Variants in SAXO1 observed in about 807,000 individuals in gnomAD.
SAXO1 encodes the protein stabilizer of axonemal microtubules 1.
SAXO1 carries 21 observed loss-of-function variants against 17.5 expected under a neutral mutation model. That is an observed-to-expected ratio of 1.20 (90% CI 0.85 to 1.72). The LOEUF (loss-of-function observed/expected upper bound fraction) is 1.72. SAXO1 is among the 40% of genes most tolerant of loss of function. SAXO1 has a pLI of 0.00. For missense variants in SAXO1, 843 were observed against 596.0 expected (o/e 1.41, Z -4.32); for synonymous variants, 274 against 216.5 (o/e 1.27, Z -2.33).
In SAXO1 at chr9:18,964,489, G is replaced by A. The variant is rs374829439; in HGVS notation, c.39-13552C>T. Among the ~76,000 whole-genome samples the A allele has an allele frequency of 3.5e-4, 53 of 152,240 alleles. 1 individual carries two copies. In the South Asian group the frequency reaches 0.01, roughly 29 times the overall value. On this transcript the variant is annotated intron_variant, in intron 1 of 3. Transcript: ENST00000380534. Reference sequence around the variant, plus strand: ...TATTCAGGGACTCAAATTCTTCCTGGTTTAGTCTTAGGAGAATGTATGTTT... The same window carrying A: ...TATTCAGGGACTCAAATTCTTCCTGATTTAGTCTTAGGAGAATGTATGTTT...
chr9:18,937,093 T>C (rs1229851912), intron 3 of SAXO1, among the ~76,000 whole-genome samples: 1 of 152,170 alleles, frequency 6.6e-6, no homozygotes, highest in Non-Finnish European at 1.5e-5. Flanking sequence ...TGAAGGTTGT[T>C]ATGGAAAAGA....
intron 1 of SAXO1, among the ~76,000 whole-genome samples, chr9:19,014,748 C>T (rs193059829): frequency 4.8e-4 from 73 of 152,248 alleles, no homozygotes; most frequent in African/African-American, 1.4e-3. Context: ...TATTACCTAC[C>T]TGTTGTCTCC....
chr9:18,994,725 C>T (rs1027352185), intron 1 of SAXO1, among the ~76,000 whole-genome samples: 1 of 152,162 alleles, frequency 6.6e-6, no homozygotes, highest in Non-Finnish European at 1.5e-5. Context: ...GGAAGGGCTG[C>T]CCCCAAAGTC....
chr9:18,937,260 G>A (rs1434442836), intron 3 of SAXO1, among the ~76,000 whole-genome samples: 1 of 152,176 alleles, frequency 6.6e-6, no homozygotes, highest in Non-Finnish European at 1.5e-5. Flanking sequence ...CCTCACTTCT[G>A]CTCCTGGCCA....
rs923477354 is a variant in SAXO1 at position 18,928,647 on chromosome 9, T to A, written c.830A>T (p.Lys277Met). 1.2e-6 allele frequency: 2 copies of A among 1,614,024 alleles called. No homozygotes were observed. Among genetic ancestry groups the A allele is most frequent in the Non-Finnish European group, 1.7e-6 (2 of 1,180,044 alleles). ...CCGGGGCATTGGCCAAGCTTGGTAC[T>A]TATCTCGAAACTCAGTGGTGTTACA... ...PFCNTTEFRDKYQAWPMPRMF... is the reference protein window; with the variant it reads ...PFCNTTEFRDMYQAWPMPRMF... The change falls in exon 4 of 4, where the codon AAG (lysine) becomes ATG (methionine). Residue 277 changes from lysine to methionine, a missense_variant. Transcript: ENST00000380534.
intron 1 of SAXO1, among the ~76,000 whole-genome samples, chr9:19,013,537 C>A (rs1189510127): frequency 1.6e-5 from 2 of 128,040 alleles, no homozygotes; most frequent in African/African-American, 6.0e-5. Context: ...ACTAAAAGTA[C>A]GGATTTTTTT....
In SAXO1 at chr9:18,938,589, C is replaced by G. The variant is rs1045344227; in HGVS notation, c.421+3048G>C. ...CATTATACAATCACCTCTCACCAGG[C>G]CCCACCTCCAACACTGAGGATTACA... On this transcript the variant is annotated intron_variant, in intron 3 of 3. Transcript: ENST00000380534. Among the ~76,000 whole-genome samples, 6 of 152,164 alleles carry G rather than the reference C, an allele frequency of 3.9e-5. No homozygotes were observed. In the South Asian group the frequency reaches 6.2e-4, roughly 16 times the overall value.
At chr9:18,990,978 C>G (rs377216964) in intron 1 of SAXO1, among the ~76,000 whole-genome samples, 1 of 152,084 alleles carries the variant, frequency 6.6e-6, no homozygotes. Context: ...GTGCACAAGG[C>G]GGGGCATGGT....
chr9:19,003,846 T>C (rs1272803909), intron 1 of SAXO1, among the ~76,000 whole-genome samples: 1 of 152,166 alleles, frequency 6.6e-6, no homozygotes, highest in Non-Finnish European at 1.5e-5. Flanking sequence ...AAAGACTTCA[T>C]GACTAAAACA....
rs1294728164 is a variant in SAXO1, at chr9:18,989,647, CT to C, written c.39-38711del. Among the ~76,000 whole-genome samples the C allele has an allele frequency of 3.3e-5, 5 of 152,070 alleles. No homozygotes were observed. In the South Asian group the frequency reaches 6.2e-4, roughly 19 times the overall value. On this transcript the variant is annotated intron_variant, in intron 1 of 3. Coordinates refer to ENST00000380534, the MANE Select transcript of SAXO1 (RefSeq NM_153707.4). ...CAGGCTTTTAAAAAAAAATAAACAA[CT>C]CATAAGTTATATAATCACTAAAAGA...
chr9:19,023,797 G>GCA (rs35817827), intron 1 of SAXO1, among the ~76,000 whole-genome samples: 128,474 of 151,558 alleles, frequency 0.85, 54,811 homozygotes, highest in African/African-American at 0.93. Context: ...GGAAGGGAGG[G>GCA]AGGAAAGCAA....
chr9:18,993,177 C>T (rs951125527), intron 1 of SAXO1, among the ~76,000 whole-genome samples: 2 of 151,660 alleles, frequency 1.3e-5, no homozygotes, highest in Non-Finnish European at 2.9e-5. Flanking sequence ...TAGGTATACA[C>T]GTGTCATGGT....
At position 18,983,905 on chromosome 9, in the gene SAXO1, A is replaced by C. The variant is rs1833493120; in HGVS notation, c.39-32968T>G. On this transcript the variant is annotated intron_variant, in intron 1 of 3. Transcript: ENST00000380534. ...AAAGGACATGCTGACTCTTGTTAGG[A>C]GTTAACCACATTCTATGGCAGCTAC... is the stretch of plus-strand genomic sequence containing the variant. Among the ~76,000 whole-genome samples, 3 of 152,226 alleles carry C rather than the reference A, an allele frequency of 2.0e-5. No individual in the cohort carries two copies. In the South Asian group the frequency reaches 6.2e-4, roughly 31 times the overall value.
At chr9:19,047,233 G>A (rs991487357) in intron 1 of SAXO1, among the ~76,000 whole-genome samples, 2 of 151,688 alleles carry the variant, frequency 1.3e-5, no homozygotes, top group Admixed American at 6.6e-5. Context: ...GCATGGTGGT[G>A]GAGGCCTGTA....
At position 18,956,523 on chromosome 9, in the gene SAXO1, T is replaced by C. The variant is rs1832265317; in HGVS notation, c.39-5586A>G. Among the ~76,000 whole-genome samples the C allele has an allele frequency of 2.0e-5, 3 of 152,278 alleles. No individual in the cohort carries two copies. In the South Asian group the frequency reaches 6.2e-4, roughly 32 times the overall value. On this transcript the variant is annotated intron_variant, in intron 1 of 3. Coordinates refer to ENST00000380534, the MANE Select transcript of SAXO1 (RefSeq NM_153707.4). ...CTCATGTGGGCAGTGAAGAGGGTTC[T>C]CCTTCACTCGAGGAGGCAGGGTTCA...
At chr9:18,973,795 T>C (rs1023763937) in intron 1 of SAXO1, among the ~76,000 whole-genome samples, 1 of 152,224 alleles carries the variant, frequency 6.6e-6, no homozygotes, top group African/African-American at 2.4e-5. Flanking sequence ...TATATCCTGA[T>C]CACCTGATTA....
In SAXO1 at chr9:18,962,401, T is replaced by C. The variant is rs1164066580; in HGVS notation, c.39-11464A>G. Among the ~76,000 whole-genome samples, 4 of 152,178 alleles carry C rather than the reference T, an allele frequency of 2.6e-5. No individual in the cohort carries two copies. The East Asian group carries it at 5.8e-4, about 22-fold the overall frequency. On this transcript the variant is annotated intron_variant, in intron 1 of 3. Coordinates refer to ENST00000380534, the MANE Select transcript of SAXO1 (RefSeq NM_153707.4). Reference sequence around the variant, plus strand: ...GGATTTGCATTTCTCTAATGACCAGTGATGAGCTTTTTTTCATATGTTTGT... The same window carrying C: ...GGATTTGCATTTCTCTAATGACCAGCGATGAGCTTTTTTTCATATGTTTGT...
chr9:18,967,793 G>GAA (rs151140495), intron 1 of SAXO1, among the ~76,000 whole-genome samples: 24 of 149,418 alleles, frequency 1.6e-4, no homozygotes, highest in African/African-American at 4.9e-4. Context: ...ATTGGGGTAT[G>GAA]AAAAAAAAAA....
intron 1 of SAXO1, among the ~76,000 whole-genome samples, chr9:19,013,613 C>G (rs919239201): frequency 3.1e-5 from 4 of 128,970 alleles, no homozygotes; most frequent in African/African-American, 1.2e-4. Context: ...GTGGTACAAT[C>G]TCCGCTCACT....
Sources: gnomAD v4.1 joint callset for allele counts (sites outside exome capture counted in the v4.1 genomes callset) on GRCh38, gnomAD v4.1.1 for gene constraint, MANE v1.5 for transcripts, NCBI Gene and HGNC (gene_info 2026-07-23, HGNC 2026-07-21) for gene names.